The following PARVB variants were observed in gnomAD, a reference collection of about 807,000 sequenced individuals.
The protein encoded by PARVB is beta-parvin.
A neutral mutation model predicts 47.0 loss-of-function variants in PARVB; 46 were observed. The observed-to-expected ratio is 0.98, with a 90% confidence interval of 0.77 to 1.25. PARVB has a LOEUF of 1.25. Among genes scored for constraint, PARVB ranks in the 50% most tolerant of loss-of-function variants. The pLI, the probability that PARVB is intolerant of heterozygous loss-of-function variation, is 0.00. For synonymous variants in PARVB, 196 were observed against 196.3 expected (o/e 1.00, Z 0.01); for missense variants, 473 against 471.6 (o/e 1.00, Z -0.03).
intron 2 of PARVB, among the ~76,000 whole-genome samples, chr22:44,016,242 A>G (rs1021047631): frequency 4.9e-4 from 74 of 151,704 alleles, no homozygotes; most frequent in African/African-American, 1.6e-3. Context: ...GACTACAGGC[A>G]CCTGCCACCA....
intron 1 of PARVB, among the ~76,000 whole-genome samples, chr22:44,063,507 G>A (rs1040626583): frequency 3.3e-5 from 5 of 152,122 alleles, no homozygotes; most frequent in African/African-American, 7.2e-5. Context: ...GATTACAGGC[G>A]TGAGCCACCG....
At chr22:44,071,006 C>T (rs972345868) in intron 1 of PARVB, among the ~76,000 whole-genome samples, 2 of 152,188 alleles carry the variant, frequency 1.3e-5, no homozygotes, top group African/African-American at 4.8e-5. Flanking sequence ...GCCCGCCCGC[C>T]TTGGCCTGGT....
chr22:44,061,519 A>G (rs1289362996), intron 1 of PARVB, among the ~76,000 whole-genome samples: 1 of 152,206 alleles, frequency 6.6e-6, no homozygotes, highest in African/African-American at 2.4e-5. Flanking sequence ...ACATGGCATT[A>G]AATAGACCAT....
chr22:44,165,656 G>A lies in PARVB; in HGVS notation c.1018+1726G>A, dbSNP rs945550460. 5.3e-5 allele frequency among the ~76,000 whole-genome samples: 8 copies of A among 152,228 alleles called. No individual in the cohort carries two copies. The South Asian group carries it at 1.0e-3, about 20-fold the overall frequency. On this transcript the variant is annotated intron_variant, in intron 12 of 12. Transcript: ENST00000338758. ...GAGTGATGATGGCACCTGCCTCCAC[G>A]CGTCATGGGGTCGCTGGATGGGGGG...
chr22:44,171,502 A>G lies in PARVB; in HGVS notation c.*2824A>G, dbSNP rs1253674791. 6.6e-6 allele frequency: 1 copy of G among 152,198 alleles called. No homozygotes were observed. The highest frequency in any genetic ancestry group is 2.4e-5 in the African/African-American group (1 of 41,178). The allele number at this position is 152,198 out of a possible 1,614,324, so 9.4% of individuals were successfully genotyped here. A position where few individuals can be genotyped will look rare whatever the true frequency, so the allele number is the denominator to read the frequency against. ...AGAGTGAGACTCTGTCTCAAAAAAAAAAAAGAAAGAAAAAAGAAAAAGAAA... is the reference window on the plus strand; with the variant it reads ...AGAGTGAGACTCTGTCTCAAAAAAAGAAAAGAAAGAAAAAAGAAAAAGAAA... On this transcript the variant is annotated 3_prime_UTR_variant, in exon 13 of 13. Transcript: ENST00000338758.
rs573309219 is a variant in PARVB, at chr22:44,038,789, A to G, written c.112+14338A>G. On this transcript the variant is annotated intron_variant, in intron 1 of 12. Coordinates refer to ENST00000338758, the MANE Select transcript of PARVB (RefSeq NM_013327.5). ...AGAGTGAGACTCCATCTCAAAAACC[A>G]AAAACCAAAAAACAAAAAAGCTGGA... Among the ~76,000 whole-genome samples the G allele has an allele frequency of 1.3e-3, 194 of 152,238 alleles. 1 individual carries two copies. The highest frequency in any genetic ancestry group is 6.8e-3 in the Middle Eastern group (2 of 294).
chr22:44,147,638 C>T (rs553302101), intron 8 of PARVB: 12 of 731,184 alleles, frequency 1.6e-5, no homozygotes, highest in South Asian at 6.8e-5. Context: ...CTCTAGTCCA[C>T]GCTGTTCTGG....
chr22:44,052,205 G>A (rs927071928), intron 1 of PARVB, among the ~76,000 whole-genome samples: 1 of 152,220 alleles, frequency 6.6e-6, no homozygotes. Flanking sequence ...AGGGTTGTGA[G>A]TGAAACTTGA....
chr22:44,148,165 T>C, intron 9 of PARVB: 1 of 543,318 alleles, frequency 1.8e-6, no homozygotes, highest in Non-Finnish European at 3.3e-6. Context: ...TTAAGTGAAT[T>C]ACCCAGCCCC....
chr22:44,098,192 G>A (rs1248359182), intron 2 of PARVB, among the ~76,000 whole-genome samples: 1 of 152,184 alleles, frequency 6.6e-6, no homozygotes, highest in Non-Finnish European at 1.5e-5. Context: ...CTGGGATTGG[G>A]TAGTGACCTG....
chr22:44,108,406 T>C (rs1286321120), intron 3 of PARVB: 3 of 152,186 alleles, frequency 2.0e-5, no homozygotes, highest in Admixed American at 2.0e-4. Flanking sequence ...TAGCTAGTGT[T>C]AGAATCAGAC....
intron 7 of PARVB, among the ~76,000 whole-genome samples, chr22:44,137,375 A>G (rs561204702): frequency 6.6e-6 from 1 of 152,138 alleles, no homozygotes; most frequent in Non-Finnish European, 1.5e-5. Flanking sequence ...AAAGGGGAGG[A>G]TGAGAATGTG....
intron 1 of PARVB, chr22:44,086,874 C>T (rs1412282790): frequency 4.1e-6 from 4 of 970,736 alleles, no homozygotes; most frequent in Non-Finnish European, 4.9e-6. Context: ...TGGCAGAGGC[C>T]TGGAAAACCT....
At chr22:44,129,355 G>A (rs1361559723) in intron 4 of PARVB, among the ~76,000 whole-genome samples, 1 of 152,194 alleles carries the variant, frequency 6.6e-6, no homozygotes, top group African/African-American at 2.4e-5. Flanking sequence ...CGCACGGTGT[G>A]TGGCATGCTT....
chr22:44,123,064 G>A (rs1315698597), intron 4 of PARVB, among the ~76,000 whole-genome samples: 1 of 152,200 alleles, frequency 6.6e-6, no homozygotes, highest in African/African-American at 2.4e-5. Flanking sequence ...ATTCTGAGAG[G>A]CTTCACCTCT....
chr22:44,009,734 A>C (rs9614309), intron 2 of PARVB, among the ~76,000 whole-genome samples: 5,099 of 151,544 alleles, frequency 0.034, 199 homozygotes, highest in East Asian at 0.22. Flanking sequence ...TTATATAATA[A>C]ACATTATATA....
At chr22:44,076,216 G>T (rs115561437) in intron 1 of PARVB, among the ~76,000 whole-genome samples, 313 of 152,322 alleles carry the variant, frequency 2.1e-3, no homozygotes, top group African/African-American at 7.4e-3. Context: ...CTGAGTTGGG[G>T]GCCCCATGGC....
Position 44,171,755 on chromosome 22 carries a change from A to G in PARVB, c.*3077A>G, listed in dbSNP as rs570330645. 6.6e-6 allele frequency: 1 copy of G among 151,336 alleles called. No homozygotes were observed. The highest frequency in any genetic ancestry group is 2.0e-4 in the East Asian group (1 of 5,120). The allele number at this position is 151,336 out of a possible 1,614,324, so 9.4% of individuals were successfully genotyped here. A position where few individuals can be genotyped will look rare whatever the true frequency, so the allele number is the denominator to read the frequency against. On this transcript the variant is annotated 3_prime_UTR_variant, in exon 13 of 13. Coordinates refer to ENST00000338758, the MANE Select transcript of PARVB (RefSeq NM_013327.5). ...ATCATAAGATCTGTGGGGAAGCTAC[A>G]TGGGCACTTGTGTTTCACAACAGGG...
At chr22:44,073,276 G>A (rs2051693838) in intron 1 of PARVB, among the ~76,000 whole-genome samples, 1 of 152,156 alleles carries the variant, frequency 6.6e-6, no homozygotes, top group Non-Finnish European at 1.5e-5. Flanking sequence ...GATCACCGGA[G>A]GTCAGGGGTT....
Sources: gnomAD v4.1 joint callset for allele counts (sites outside exome capture counted in the v4.1 genomes callset) on GRCh38, gnomAD v4.1.1 for gene constraint, MANE v1.5 for transcripts, NCBI Gene and HGNC (gene_info 2026-07-23, HGNC 2026-07-21) for gene names.